TENM3: variants seen among roughly 807,000 people sequenced by gnomAD.
TENM3 encodes teneurin transmembrane protein 3.
TENM3 carries 63 observed loss-of-function variants against 255.1 expected under a neutral mutation model. That is an observed-to-expected ratio of 0.25 (90% confidence interval 0.20 to 0.30). TENM3 has a LOEUF of 0.30. TENM3 is among the 10% of genes least tolerant of loss of function. The probability of loss-of-function intolerance (pLI) is 1.00; values close to 1 mark genes in which losing one functional copy is unlikely to be tolerated. For missense variants in TENM3, 2,929 were observed against 3,461.1 expected, an observed-to-expected ratio of 0.85 and a Z score of 3.86; for synonymous variants, 1,306 against 1,322.3, an observed-to-expected ratio of 0.99 and a Z score of 0.27.
chr4:181,641,554 GTATATATATATATATATATATA>G, the TENM3 span, among the ~76,000 whole-genome samples: 38 of 26,914 alleles, frequency 1.4e-3, 1 homozygote, highest in South Asian at 9.3e-3. Context: ...TGGTGTGTGT[GTATATATATATATATATATATA>G]TATATATATA....
chr4:182,755,211 G>A lies in TENM3; in HGVS notation c.4844G>A (p.Gly1615Asp), dbSNP rs1762639811. The change falls in exon 22 of 28, where the codon GGC becomes GAC. Residue 1615 changes from glycine (G) to aspartate (D), a missense_variant. By Grantham distance (94) the Gly-to-Asp change is moderately conservative. Transcript: ENST00000511685. Reference sequence around the variant, plus strand: ...TTGTTTACTTACCATGGCAATAGTGGCCTTTTAGCCACTAAAAGTGATGAA... The same window carrying A: ...TTGTTTACTTACCATGGCAATAGTGACCTTTTAGCCACTAAAAGTGATGAA... ...LVLFTYHGNS[G>D]LLATKSDETG... 2 of 1,610,464 alleles carry A rather than the reference G, an allele frequency of 1.2e-6. No homozygotes were observed. Among genetic ancestry groups the A allele is most frequent in the African/African-American group, 1.3e-5 (1 of 74,898 alleles).
the TENM3 span, among the ~76,000 whole-genome samples, chr4:181,678,627 T>C: frequency 4.6e-5 from 7 of 152,050 alleles, no homozygotes; most frequent in Non-Finnish European, 1.0e-4. Flanking sequence ...TAAAACTGAA[T>C]GTATAAGTTT....
At chr4:181,763,876 AC>A in the TENM3 span, among the ~76,000 whole-genome samples, 42 of 152,364 alleles carry the variant, frequency 2.8e-4, no homozygotes, top group South Asian at 7.0e-3. Flanking sequence ...GTTATGGAAA[AC>A]TTTTATGAAC....
At chr4:182,263,485 A>G (rs201939210) in intron 1 of TENM3, among the ~76,000 whole-genome samples, 4 of 152,106 alleles carry the variant, frequency 2.6e-5, no homozygotes, top group East Asian at 1.9e-4. Context: ...CTTTGGCACT[A>G]TGAGATGTTA....
chr4:181,861,155 CTG>C, the TENM3 span, among the ~76,000 whole-genome samples: 1 of 152,148 alleles, frequency 6.6e-6, no homozygotes, highest in Non-Finnish European at 1.5e-5. Flanking sequence ...ACACTGTAAA[CTG>C]TAACTTGCAT....
the TENM3 span, among the ~76,000 whole-genome samples, chr4:181,784,875 G>A: frequency 6.6e-6 from 1 of 152,148 alleles, no homozygotes. Context: ...GACCTAAGGA[G>A]TGAGAGATAA....
chr4:182,772,373 A>G (rs1764315794), intron 22 of TENM3, among the ~76,000 whole-genome samples: 1 of 152,080 alleles, frequency 6.6e-6, no homozygotes, highest in Admixed American at 6.6e-5. Context: ...GTCTTTCTCT[A>G]ACAGCATTGT....
chr4:181,852,626 A>T, the TENM3 span, among the ~76,000 whole-genome samples: 1 of 152,226 alleles, frequency 6.6e-6, no homozygotes, highest in African/African-American at 2.4e-5. Context: ...TGCTATTCCA[A>T]AAATTATTTT....
At chr4:182,306,709 C>T (rs1762154772) in intron 1 of TENM3, among the ~76,000 whole-genome samples, 1 of 152,154 alleles carries the variant, frequency 6.6e-6, no homozygotes, top group African/African-American at 2.4e-5. Context: ...AGAATATGCT[C>T]TTCATCTGCC....
chr4:182,543,377 G>C (rs1057372885), intron 3 of TENM3, among the ~76,000 whole-genome samples: 2 of 152,204 alleles, frequency 1.3e-5, no homozygotes, highest in African/African-American at 4.8e-5. Context: ...CAATTATTCT[G>C]CTGCATCTGG....
intron 12 of TENM3, among the ~76,000 whole-genome samples, chr4:182,696,343 C>T (rs951333554): frequency 6.6e-6 from 1 of 152,022 alleles, no homozygotes; most frequent in African/African-American, 2.4e-5. Flanking sequence ...TTACAAAAAT[C>T]GTTGTCATAT....
At chr4:181,970,685 A>G in the TENM3 span, among the ~76,000 whole-genome samples, 1 of 151,926 alleles carries the variant, frequency 6.6e-6, no homozygotes, top group Non-Finnish European at 1.5e-5. Flanking sequence ...ACTCTCCTTC[A>G]TCTCCTCCCC....
the TENM3 span, among the ~76,000 whole-genome samples, chr4:182,111,481 G>A: frequency 3.3e-5 from 5 of 152,122 alleles, no homozygotes; most frequent in African/African-American, 7.2e-5. Context: ...TAAAGGGCAT[G>A]TACTCAATTG....
At chr4:181,917,777 T>C in the TENM3 span, among the ~76,000 whole-genome samples, 1 of 149,964 alleles carries the variant, frequency 6.7e-6, no homozygotes, top group African/African-American at 2.5e-5. Context: ...TTCTCATGCC[T>C]CAACCTCCCG....
At position 182,731,042 on chromosome 4, in the gene TENM3, G is replaced by A. The variant is rs1760657864; in HGVS notation, c.2870G>A (p.Ser957Asn). The change falls in exon 16 of 28, where the codon AGT becomes AAT. Residue 957 changes from serine to asparagine, a missense_variant. By Grantham distance (46) the Ser-to-Asn change is conservative. Coordinates refer to ENST00000511685, the MANE Select transcript of TENM3 (RefSeq NM_001080477.4). The part of the protein sequence containing the change: ...EENDIPSCDL[S>N]GFVRPNPIIV... Reference sequence around the variant, plus strand: ...AATGACATTCCCAGCTGTGATCTGAGTGGATTCGTGAGGCCAAATCCCATC... The same window carrying A: ...AATGACATTCCCAGCTGTGATCTGAATGGATTCGTGAGGCCAAATCCCATC... The A allele has an allele frequency of 1.2e-6, 2 of 1,613,926 alleles. No homozygotes were observed. Among genetic ancestry groups the A allele is most frequent in the African/African-American group, 1.3e-5 (1 of 75,042 alleles).
At chr4:182,186,719 T>C (rs1229780908) in intron 1 of TENM3, among the ~76,000 whole-genome samples, 4 of 135,686 alleles carry the variant, frequency 2.9e-5, no homozygotes, top group African/African-American at 1.1e-4. Flanking sequence ...AACTTCTGTT[T>C]ATCTGAGCTT....
chr4:182,512,336 G>T (rs1737488871), intron 3 of TENM3, among the ~76,000 whole-genome samples: 1 of 152,154 alleles, frequency 6.6e-6, no homozygotes, highest in Admixed American at 6.5e-5. Context: ...AGATGACAGA[G>T]TCACCAGATG....
intron 4 of TENM3, among the ~76,000 whole-genome samples, chr4:182,619,855 G>A (rs1028606836): frequency 2.0e-5 from 3 of 152,190 alleles, no homozygotes; most frequent in Admixed American, 6.5e-5. Flanking sequence ...GGCAGGCTCC[G>A]TGCAGGGCAT....
intron 2 of TENM3, among the ~76,000 whole-genome samples, chr4:182,326,269 GT>G (rs1163067401): frequency 6.6e-6 from 1 of 152,202 alleles, no homozygotes; most frequent in African/African-American, 2.4e-5. Flanking sequence ...CTGCGTGCTG[GT>G]CAGTGCGCTA....
Sources: gnomAD v4.1 joint callset for allele counts (sites outside exome capture counted in the v4.1 genomes callset) on GRCh38, gnomAD v4.1.1 for gene constraint, MANE v1.5 for transcripts, NCBI Gene and HGNC (gene_info 2026-07-23, HGNC 2026-07-21) for gene names.